Variants in BRF1 observed in about 807,000 individuals in gnomAD.
The protein encoded by BRF1 is transcription factor IIIB 90 kDa subunit.
In BRF1, 59 loss-of-function variants were observed where a neutral mutation model predicts 81.7. The ratio of observed to expected loss-of-function variants is 0.72; its 90% CI spans 0.59 to 0.90. The LOEUF is 0.90. Among genes scored for constraint, BRF1 ranks in the 40% least tolerant of loss-of-function variants. The pLI is 0.00. For synonymous variants in BRF1, 491 were observed against 395.6 expected, an observed-to-expected ratio of 1.24 and a Z score of -2.86; for missense variants, 1,050 against 936.3, an observed-to-expected ratio of 1.12 and a Z score of -1.58.
chr14:105,247,493 G>C, intron 5 of BRF1: 3 of 985,276 alleles, frequency 3.0e-6, no homozygotes, highest in Non-Finnish European at 3.6e-6. Flanking sequence ...ACTTGTAGTT[G>C]CTCCTCCATC....
chr14:105,313,396 G>C (rs1215823020), intron 1 of BRF1, among the ~76,000 whole-genome samples: 1 of 152,214 alleles, frequency 6.6e-6, no homozygotes, highest in Non-Finnish European at 1.5e-5. Flanking sequence ...CCGCCGAGCA[G>C]CTGGCCAAGG....
chr14:105,311,951 C>T (rs1482591337), intron 1 of BRF1, among the ~76,000 whole-genome samples: 1 of 152,198 alleles, frequency 6.6e-6, no homozygotes, highest in African/African-American at 2.4e-5. Flanking sequence ...TGGGCAGGGA[C>T]CTGGCCACGT....
At position 105,209,516 on chromosome 14, in the gene BRF1, G is replaced by A. The variant is rs778912742; in HGVS notation, c.*1035C>T. The A allele has an allele frequency of 1.0e-4, 73 of 702,310 alleles. 1 individual carries two copies. The highest frequency in any genetic ancestry group is 7.0e-4 in the Middle Eastern group (3 of 4,292). The allele number at this position is 702,310 out of a possible 1,614,324, so 43.5% of individuals were successfully genotyped here. ...CTGCCTCAAGGCCACCCCCTCCTAAGGACACAGGGTGAAGCCCCCTCGGCC... is the reference window on the plus strand; with the variant it reads ...CTGCCTCAAGGCCACCCCCTCCTAAAGACACAGGGTGAAGCCCCCTCGGCC... On this transcript the variant is annotated 3_prime_UTR_variant, in exon 18 of 18. Transcript: ENST00000547530.
chr14:105,304,220 G>C (rs999131957), upstream of BRF1, among the ~76,000 whole-genome samples: 1 of 152,182 alleles, frequency 6.6e-6, no homozygotes, highest in African/African-American at 2.4e-5. Context: ...AGCCAGGCTC[G>C]GTGGCTCAGG....
rs768007129 is a variant in BRF1, at chr14:105,269,661, G to T, written c.439+3060C>A. ...GAACTTTGTGGCTAAAGGTGGTCCT[G>T]CCAGACTCAGAGGCAGCCCCGGCAG... is the stretch of plus-strand genomic sequence containing the variant. On this transcript the variant is annotated intron_variant, in intron 3 of 17. Transcript: ENST00000547530. This position sits in a 1 kb window ranked among gnomAD's most constrained non-coding sequence, Gnocchi z 5.0. Among the ~76,000 whole-genome samples the T allele has an allele frequency of 6.6e-5, 10 of 152,104 alleles. No homozygotes were observed. The highest frequency in any genetic ancestry group is 1.5e-4 in the Non-Finnish European group (10 of 67,996).
intron 7 of BRF1, chr14:105,227,773 C>G (rs779774784): frequency 6.6e-6 from 1 of 152,276 alleles, no homozygotes; most frequent in Non-Finnish European, 1.5e-5. Flanking sequence ...AACCTTCAAA[C>G]ACGTTTCATC....
rs1232554749 is a variant in BRF1 at position 105,241,285 on chromosome 14, G to T, written c.674C>A (p.Pro225His). 3 of 1,612,046 alleles carry T rather than the reference G, an allele frequency of 1.9e-6. No homozygotes were observed. Among genetic ancestry groups the T allele is most frequent in the East Asian group, 2.2e-5 (1 of 44,898 alleles). Residue 225 changes from proline to histidine, a missense_variant, in exon 6 of 18, where the codon CCC (proline) becomes CAC (histidine). By Grantham distance (77) the Pro-to-His change is moderately conservative (BLOSUM62 -2). Transcript: ENST00000547530. ...TGTACCTGCTCCGCAGAGGCCCGAG[G>T]GGCGCCGGCCTGTGTGCATCCAGTC... ...KRDWMHTGRR[P>H]SGLCGAALLV...
Position 105,209,657 on chromosome 14 carries a change from G to A in BRF1, c.*894C>T, listed in dbSNP as rs587702609. ...CGTCTGCCCTCCCTCCTCGATGGGGGGCCTGATCCAGCTCTGACAGGGAGC... is the reference window on the plus strand; with the variant it reads ...CGTCTGCCCTCCCTCCTCGATGGGGAGCCTGATCCAGCTCTGACAGGGAGC... On this transcript the variant is annotated 3_prime_UTR_variant, in exon 18 of 18. Transcript: ENST00000547530. 4.0e-5 allele frequency: 27 copies of A among 680,582 alleles called. No homozygotes were observed. In the South Asian group the frequency reaches 4.0e-4, roughly 10 times the overall value. The allele number at this position is 680,582 out of a possible 1,614,324, so 42.2% of individuals were successfully genotyped here.
intron 5 of BRF1, chr14:105,247,917 G>A (rs1487554711): frequency 8.1e-6 from 8 of 985,364 alleles, no homozygotes; most frequent in African/African-American, 7.0e-5. Context: ...AGGCCGGGAG[G>A]CTAGAGGCCC....
chr14:105,303,433 CAG>C (rs202056894), upstream of BRF1, among the ~76,000 whole-genome samples: 4,938 of 152,052 alleles, frequency 0.032, 143 homozygotes, highest in African/African-American at 0.075. Context: ...TTAGTAGAGA[CAG>C]GGTTTCACTG....
intron 1 of BRF1, among the ~76,000 whole-genome samples, chr14:105,292,868 C>T (rs2057578912): frequency 6.6e-6 from 1 of 152,026 alleles, no homozygotes; most frequent in African/African-American, 2.4e-5. Flanking sequence ...GGCCCACATC[C>T]CCTCCCCAGG....
chr14:105,225,182 C>G (rs1380419661), intron 10 of BRF1, among the ~76,000 whole-genome samples: 3 of 152,248 alleles, frequency 2.0e-5, no homozygotes, highest in Non-Finnish European at 4.4e-5. Flanking sequence ...CCCTGGGTTC[C>G]TGCAACAGCC....
chr14:105,229,645 G>C (rs1262195505), intron 6 of BRF1, among the ~76,000 whole-genome samples: 2 of 151,112 alleles, frequency 1.3e-5, no homozygotes, highest in South Asian at 4.2e-4. Flanking sequence ...GCTGGGGGCG[G>C]GGGACAGCCT....
intron 3 of BRF1, among the ~76,000 whole-genome samples, chr14:105,265,379 T>A (rs931840913): frequency 6.6e-6 from 1 of 152,102 alleles, no homozygotes; most frequent in Non-Finnish European, 1.5e-5. Context: ...CAAAAAATAA[T>A]CTGGATAAAC....
At chr14:105,240,972 G>A (rs587728551) in intron 6 of BRF1, among the ~76,000 whole-genome samples, 6 of 152,134 alleles carry the variant, frequency 3.9e-5, no homozygotes, top group East Asian at 1.9e-4. Context: ...ACGAGACCAC[G>A]GGCAGGGATG....
At chr14:105,225,492 C>G (rs746703695) in intron 10 of BRF1, among the ~76,000 whole-genome samples, 8 of 152,166 alleles carry the variant, frequency 5.3e-5, no homozygotes, top group Non-Finnish European at 8.8e-5. Context: ...ATTGACCAGA[C>G]TTTGTAGCAA....
intron 11 of BRF1, among the ~76,000 whole-genome samples, chr14:105,221,437 C>G (rs1353708304): frequency 6.6e-6 from 1 of 152,188 alleles, no homozygotes; most frequent in African/African-American, 2.4e-5. Context: ...TGCATTCTGG[C>G]GTCGGCACAC....
upstream of BRF1, among the ~76,000 whole-genome samples, chr14:105,303,410 A>T (rs1330025662): frequency 2.6e-5 from 4 of 151,358 alleles, no homozygotes; most frequent in East Asian, 7.7e-4. Flanking sequence ...TGCCTGGCTA[A>T]TTTTTTGTAT....
intron 10 of BRF1, among the ~76,000 whole-genome samples, chr14:105,225,640 A>C (rs1022116944): frequency 3.4e-5 from 5 of 145,198 alleles, no homozygotes; most frequent in Non-Finnish European, 6.0e-5. Context: ...TTGTAGGGGA[A>C]ACTTACATTC....
Sources: allele counts gnomAD v4.1 joint callset (sites outside exome capture counted in the v4.1 genomes callset), GRCh38; gene constraint gnomAD v4.1.1; non-coding constraint Gnocchi (gnomAD v3.1); transcripts MANE v1.5; gene names NCBI Gene and HGNC (gene_info 2026-07-23, HGNC 2026-07-21).